RPE: variants seen among roughly 807,000 people sequenced by gnomAD.
RPE encodes ribulose-5-phosphate-3-epimerase.
A neutral mutation model predicts 24.6 loss-of-function variants in RPE; 16 were observed. The observed-to-expected ratio is 0.65, with a 90% CI of 0.44 to 0.99. The LOEUF (loss-of-function observed/expected upper bound fraction) is 0.99, where lower values mean the gene tolerates loss of function less well. RPE is among the 50% of genes least tolerant of loss of function. RPE has a pLI of 0.00. For missense variants in RPE, 240 were observed against 294.5 expected (o/e 0.81, Z 1.35); for synonymous variants, 93 against 98.4 (o/e 0.94, Z 0.33).
intron 3 of RPE, 102 bp from the exon 4 acceptor site, chr2:210,016,405 T>C: frequency 6.3e-7 from 1 of 1,575,052 alleles, no homozygotes; most frequent in Non-Finnish European, 8.6e-7. Flanking sequence ...TTGTTAACTT[T>C]TAAAAAATAA....
At chr2:210,016,717 A>ATATTTAGGCATAACCTGTTC in intron 4 of RPE, 76 bp downstream of exon 4, 3 of 1,595,526 alleles carry the variant, frequency 1.9e-6, no homozygotes, top group Non-Finnish European at 2.6e-6. Context: ...AAAGGCTTGT[A>ATATTTAGGCATAACCTGTTC]TATTTAGGCA....
intron 1 of RPE, among the ~76,000 whole-genome samples, chr2:210,006,792 A>T (rs1428739850): frequency 6.6e-6 from 1 of 152,226 alleles, no homozygotes; most frequent in Non-Finnish European, 1.5e-5. Flanking sequence ...CATGCATCTT[A>T]TCCACAGCCC....
chr2:210,003,382 A>G (rs989911820), intron 1 of RPE: 77 of 1,080,622 alleles, frequency 7.1e-5, no homozygotes, highest in Non-Finnish European at 8.9e-5. Flanking sequence ...AGTTCTCTAT[A>G]ATTGTTAATT....
intron 2 of RPE, among the ~76,000 whole-genome samples, chr2:210,010,917 CAA>C (rs61046063): frequency 1.4e-5 from 2 of 144,544 alleles, no homozygotes; most frequent in African/African-American, 5.1e-5. Context: ...CACTCCATGT[CAA>C]AAAAAAAAAA....
intron 2 of RPE, among the ~76,000 whole-genome samples, chr2:210,015,682 G>C (rs1018648496): frequency 6.6e-6 from 1 of 152,070 alleles, no homozygotes; most frequent in Non-Finnish European, 1.5e-5. Context: ...TTTTAGAGTG[G>C]CATTTCCTGG....
intron 4 of RPE, 120 bp from the exon 5 acceptor site, chr2:210,017,353 C>A: frequency 1.4e-6 from 1 of 733,524 alleles, no homozygotes; most frequent in South Asian, 1.8e-5. Flanking sequence ...TTGTGTGAGA[C>A]AATTGGAGTT....
At chr2:210,018,201 T>C (rs1196678341) in intron 5 of RPE, 1 of 1,534,784 alleles carries the variant, frequency 6.5e-7, no homozygotes, top group Admixed American at 2.0e-5. Flanking sequence ...GAGAAATTTT[T>C]CCAAAATACG....
intron 4 of RPE, among the ~76,000 whole-genome samples, chr2:210,017,017 C>T (rs1038862693): frequency 1.3e-5 from 2 of 152,066 alleles, no homozygotes; most frequent in African/African-American, 2.4e-5. Context: ...CTAATTCTTA[C>T]ACATTTTAGT....
intron 1 of RPE, chr2:210,003,442 C>T: frequency 7.8e-7 from 1 of 1,287,272 alleles, no homozygotes; most frequent in Non-Finnish European, 1.0e-6. Context: ...CTTCAGGCAC[C>T]CTGCTCTTCA....
At chr2:210,014,792 A>C (rs555593183) in intron 2 of RPE, among the ~76,000 whole-genome samples, 6 of 152,036 alleles carry the variant, frequency 3.9e-5, no homozygotes, top group African/African-American at 1.4e-4. Context: ...TTTTTCTTAA[A>C]TATAGCTTGG....
intron 2 of RPE, among the ~76,000 whole-genome samples, chr2:210,012,976 C>G (rs751808833): frequency 1.3e-5 from 2 of 152,138 alleles, no homozygotes; most frequent in Admixed American, 6.5e-5. Flanking sequence ...TTTAATGTAA[C>G]AAAGAATGAA....
At chr2:210,009,884 C>T (rs901674284) in intron 2 of RPE, 148 bp downstream of exon 2, 1 of 1,019,190 alleles carries the variant, frequency 9.8e-7, no homozygotes, top group Non-Finnish European at 1.5e-6. Flanking sequence ...AGTAACAAGC[C>T]AAACTTCTTC....
intron 1 of RPE, among the ~76,000 whole-genome samples, chr2:210,007,846 A>C (rs2093650414): frequency 6.6e-6 from 1 of 152,200 alleles, no homozygotes; most frequent in Non-Finnish European, 1.5e-5. Context: ...TTAGCATTCT[A>C]GTTTCTCATT....
At position 210,021,526 on chromosome 2, in the gene RPE, TTTG is replaced by T. The variant is rs2093855519; in HGVS notation, c.*1738_*1740del. 1 of 152,574 alleles carries T rather than the reference TTTG, an allele frequency of 6.6e-6. No homozygotes were observed. The highest frequency in any genetic ancestry group is 2.4e-5 in the African/African-American group (1 of 41,448). The allele number at this position is 152,574 out of a possible 1,614,324, so 9.5% of individuals were successfully genotyped here. A position where few individuals can be genotyped will look rare whatever the true frequency, so the allele number is the denominator to read the frequency against. ...CTGGACAACTTGGGTTTGTCTGGCT[TTTG>T]TTTTCTTTTTCTTTAAAAATAAATG... On this transcript the variant is annotated 3_prime_UTR_variant, in exon 6 of 6. Transcript: ENST00000359429.
Position 210,019,744 on chromosome 2 carries a change from A to G in RPE, c.640A>G (p.Arg214Gly). Residue 214 changes from arginine to glycine, a missense_variant, in exon 6 of 6, where the codon AGA (arginine) becomes GGA (glycine). Coordinates refer to ENST00000359429, the MANE Select transcript of RPE (RefSeq NM_199229.3). ...EDPRSVINLLRNVCSEAAQKR... is the reference protein window; with the variant it reads ...EDPRSVINLLGNVCSEAAQKR... The stretch of plus-strand genomic sequence containing the variant: ...CCCCAGATCTGTGATCAATCTATTA[A>G]GAAATGTTTGCTCAGAAGCTGCTCA... 3.7e-6 allele frequency: 6 copies of G among 1,613,462 alleles called. No homozygotes were observed. Among genetic ancestry groups the G allele is most frequent in the Non-Finnish European group, 5.1e-6 (6 of 1,179,516 alleles).
intron 1 of RPE, among the ~76,000 whole-genome samples, chr2:210,007,197 A>C (rs2093642082): frequency 6.6e-6 from 1 of 152,352 alleles, no homozygotes. Flanking sequence ...ATATACAGAA[A>C]GTCTTTAGAA....
In RPE at chr2:210,021,020, G is replaced by T. The variant is rs969021974; in HGVS notation, c.*1229G>T. ...TGGCTGAGAAAATTCTGGAACTATG[G>T]ATCTTGACCCCAAGGATATATTATT... On this transcript the variant is annotated 3_prime_UTR_variant, in exon 6 of 6. Transcript: ENST00000359429. 1.3e-5 allele frequency: 2 copies of T among 152,088 alleles called. No individual in the cohort carries two copies. Among genetic ancestry groups the T allele is most frequent in the African/African-American group, 4.8e-5 (2 of 41,448 alleles). The allele number at this position is 152,088 out of a possible 1,614,324, so 9.4% of individuals were successfully genotyped here. A position where few individuals can be genotyped will look rare whatever the true frequency, so the allele number is the denominator to read the frequency against.
chr2:210,018,335 G>GAA, intron 5 of RPE: 1 of 1,409,074 alleles, frequency 7.1e-7, no homozygotes, highest in African/African-American at 1.5e-5. Context: ...AACCATTTTT[G>GAA]ATGAAAATCT....
Position 210,002,761 on chromosome 2 carries a change from C to T in RPE, c.100C>T (p.Leu34=), listed in dbSNP as rs758679491. 1 of 1,614,210 alleles carries T rather than the reference C, an allele frequency of 6.2e-7. No homozygotes were observed. Among genetic ancestry groups the T allele is most frequent in the Non-Finnish European group, 8.5e-7 (1 of 1,180,028 alleles). ...LRMLDSGADY[L]HLDVMDGHFV... ...GATGCTAGACTCTGGGGCCGATTAT[C>T]TGCACCTGGACGTAATGGACGGGTA... Residue 34 remains leucine, a synonymous_variant, in exon 1 of 6, where the codon CTG becomes TTG. Transcript: ENST00000359429.
Sources: allele counts gnomAD v4.1 joint callset (sites outside exome capture counted in the v4.1 genomes callset), GRCh38; gene constraint gnomAD v4.1.1; transcripts MANE v1.5; gene names NCBI Gene and HGNC (gene_info 2026-07-23, HGNC 2026-07-21).